Variants in ADCY1 observed in about 807,000 individuals in gnomAD.
The protein encoded by ADCY1 is adenylate cyclase type 1.
ADCY1 carries 28 observed loss-of-function variants against 105.4 expected under a neutral mutation model. That is an observed-to-expected ratio of 0.27 (90% CI 0.20 to 0.36). ADCY1 has a LOEUF of 0.36. Among genes scored for constraint, ADCY1 ranks in the 10% least tolerant of loss-of-function variants. ADCY1 has a pLI of 1.00. For missense variants in ADCY1, 977 were observed against 1,434.2 expected (o/e 0.68, Z 5.15); for synonymous variants, 655 against 623.8 (o/e 1.05, Z -0.75).
intron 11 of ADCY1, among the ~76,000 whole-genome samples, chr7:45,682,556 TC>T (rs1366238495): frequency 6.6e-6 from 1 of 152,126 alleles, no homozygotes; most frequent in East Asian, 1.9e-4. Context: ...CACAATGTGG[TC>T]CACAAGGTGG....
In ADCY1 at chr7:45,685,038, C is replaced by T. The variant is rs767226138; in HGVS notation, c.2043C>T (p.Val681=). The change falls in exon 12 of 20, where the codon GTC becomes GTT. Residue 681 remains valine (V), a synonymous_variant. Transcript: ENST00000297323. ...IRTVLCIFIV[V]LIYSVAQGCV... ...CTGTCCTGTGTATTTTCATAGTGGT[C>T]TTAATCTACTCAGTAGCCCAAGGTT... The T allele has an allele frequency of 1.9e-6, 3 of 1,614,148 alleles. No individual in the cohort carries two copies. Among genetic ancestry groups the T allele is most frequent in the East Asian group, 4.5e-5 (2 of 44,882 alleles).
At chr7:45,654,487 T>C (rs1222554622) in intron 5 of ADCY1, among the ~76,000 whole-genome samples, 1 of 152,202 alleles carries the variant, frequency 6.6e-6, no homozygotes, top group African/African-American at 2.4e-5. Flanking sequence ...TCAGTAGAAC[T>C]TGATTGTCCC....
intron 8 of ADCY1, among the ~76,000 whole-genome samples, chr7:45,677,105 A>G (rs1376145803): frequency 6.6e-6 from 1 of 152,038 alleles, no homozygotes; most frequent in Non-Finnish European, 1.5e-5. Flanking sequence ...GGTCCCTGCG[A>G]TCACCCTCTT....
At chr7:45,643,027 G>A (rs1274750698) in intron 4 of ADCY1, among the ~76,000 whole-genome samples, 1 of 151,518 alleles carries the variant, frequency 6.6e-6, no homozygotes, top group African/African-American at 2.4e-5. Flanking sequence ...GATGTGTTTT[G>A]ATCGATTGCC....
chr7:45,583,713 T>C (rs535667210), intron 1 of ADCY1, among the ~76,000 whole-genome samples: 2 of 152,134 alleles, frequency 1.3e-5, no homozygotes, highest in African/African-American at 4.8e-5. Flanking sequence ...CTGTCTCGGC[T>C]CACCACAACC....
rs149796070 is a variant in ADCY1, at chr7:45,600,211, G to A, written c.789+7303G>A. Reference sequence around the variant, plus strand: ...GGGCAGATCCGCTGCAAGGAGTCCAGCATCTGCAGCCTGGCTCTCAGATGA... The same window carrying A: ...GGGCAGATCCGCTGCAAGGAGTCCAACATCTGCAGCCTGGCTCTCAGATGA... On this transcript the variant is annotated intron_variant, in intron 2 of 19. Coordinates refer to ENST00000297323, the MANE Select transcript of ADCY1 (RefSeq NM_021116.4). 4.1e-3 allele frequency among the ~76,000 whole-genome samples: 627 copies of A among 152,376 alleles called. 4 individuals are homozygous for A. The highest frequency in any genetic ancestry group is 0.024 in the Middle Eastern group (7 of 294).
chr7:45,698,190 T>C (rs555585651), intron 14 of ADCY1, among the ~76,000 whole-genome samples: 42 of 144,642 alleles, frequency 2.9e-4, no homozygotes, highest in African/African-American at 6.4e-4. Context: ...CACACACACA[T>C]ACACCACTTA....
chr7:45,679,813 C>G lies in ADCY1; in HGVS notation c.1983+20C>G. On this transcript the variant is annotated intron_variant, in intron 11 of 19. Coordinates refer to ENST00000297323, the MANE Select transcript of ADCY1 (RefSeq NM_021116.4). ...GTCCAGGTATGTGGGTGGCCTGTGT[C>G]CTGTACCTGCATATCACCTGGTTCA... 6.2e-7 allele frequency: 1 copy of G among 1,612,872 alleles called. No individual in the cohort carries two copies.
intron 8 of ADCY1, among the ~76,000 whole-genome samples, chr7:45,666,247 T>C (rs1784253142): frequency 6.6e-6 from 1 of 152,182 alleles, no homozygotes; most frequent in African/African-American, 2.4e-5. Flanking sequence ...TAACTCGTCA[T>C]TTACATTAGG....
Position 45,713,675 on chromosome 7 carries a change from A to C in ADCY1, c.3058-18A>C. ...CCCTCATTGCCCTGAAGTAACACTC[A>C]CTTCTCTCCATCAACAGGTGACTGA... On this transcript the variant is annotated intron_variant, in intron 19 of 19. Transcript: ENST00000297323. 1.3e-6 allele frequency: 1 copy of C among 774,834 alleles called. No individual in the cohort carries two copies. Among genetic ancestry groups the C allele is most frequent in the Non-Finnish European group, 2.4e-6 (1 of 414,908 alleles). The allele number at this position is 774,834 out of a possible 1,614,324, so 48.0% of individuals were successfully genotyped here.
In ADCY1 at chr7:45,613,555, T is replaced by TCA. The variant is rs1793649174; in HGVS notation, c.908+3059_908+3060dup. Reference sequence around the variant, plus strand: ...ACACATACACATTATATATATATTTTCATCATATATTACATATATGATGTA... The same window carrying TCA: ...ACACATACACATTATATATATATTTTCACATCATATATTACATATATGATGTA... On this transcript the variant is annotated intron_variant, in intron 3 of 19. Coordinates refer to ENST00000297323, the MANE Select transcript of ADCY1 (RefSeq NM_021116.4). 3.3e-5 allele frequency among the ~76,000 whole-genome samples: 5 copies of TCA among 152,144 alleles called. No individual in the cohort carries two copies. The South Asian group carries it at 1.0e-3, about 32-fold the overall frequency.
rs975196506 is a variant in ADCY1 at position 45,714,371 on chromosome 7, C to G, written c.*376C>G. On this transcript the variant is annotated 3_prime_UTR_variant, in exon 20 of 20. Transcript: ENST00000297323. ...CATCCCAGGGTTACAGCAAGAGCCA[C>G]TGAGGTGTGGCTGGCAGAGCAACTG... 7 of 217,624 alleles carry G rather than the reference C, an allele frequency of 3.2e-5. No homozygotes were observed. The highest frequency in any genetic ancestry group is 1.1e-4 in the Admixed American group (2 of 19,010). The allele number at this position is 217,624 out of a possible 1,614,324, so 13.5% of individuals were successfully genotyped here. A position where few individuals can be genotyped will look rare whatever the true frequency, so the allele number is the denominator to read the frequency against.
At chr7:45,676,133 C>T (rs943695459) in intron 8 of ADCY1, among the ~76,000 whole-genome samples, 2 of 151,688 alleles carry the variant, frequency 1.3e-5, no homozygotes, top group African/African-American at 4.8e-5. Context: ...GAATTCTTTA[C>T]TGTGTGCACT....
intron 1 of ADCY1, among the ~76,000 whole-genome samples, chr7:45,583,937 GTT>G (rs869216986): frequency 1.2e-4 from 7 of 56,900 alleles, no homozygotes; most frequent in East Asian, 7.2e-4. Flanking sequence ...ACTGTGCCCT[GTT>G]TTTTTTTTTT....
chr7:45,661,555 G>A (rs1795106942), intron 7 of ADCY1, among the ~76,000 whole-genome samples: 1 of 152,024 alleles, frequency 6.6e-6, no homozygotes, highest in Admixed American at 6.5e-5. Flanking sequence ...CGGGTGAGTG[G>A]GTGATGTTCA....
intron 5 of ADCY1, among the ~76,000 whole-genome samples, chr7:45,653,969 G>A (rs1056876528): frequency 6.6e-6 from 1 of 152,194 alleles, no homozygotes; most frequent in Non-Finnish European, 1.5e-5. Flanking sequence ...TCCTTCAGGC[G>A]ATGCTTCAGG....
intron 5 of ADCY1, among the ~76,000 whole-genome samples, chr7:45,654,486 C>T (rs539560516): frequency 1.3e-5 from 2 of 152,300 alleles, no homozygotes; most frequent in African/African-American, 4.8e-5. Context: ...GTCAGTAGAA[C>T]TTGATTGTCC....
intron 14 of ADCY1, among the ~76,000 whole-genome samples, chr7:45,692,876 AC>A (rs1440071136): frequency 6.6e-6 from 1 of 152,242 alleles, no homozygotes; most frequent in Admixed American, 6.5e-5. Flanking sequence ...ACAAAGACTT[AC>A]CAAATCTGGA....
intron 11 of ADCY1, among the ~76,000 whole-genome samples, chr7:45,683,359 G>T (rs1207795506): frequency 6.6e-6 from 1 of 151,968 alleles, no homozygotes; most frequent in African/African-American, 2.4e-5. Flanking sequence ...ATTTCTCCTT[G>T]GAAACAAAGT....
Sources: allele counts gnomAD v4.1 joint callset (sites outside exome capture counted in the v4.1 genomes callset), GRCh38; gene constraint gnomAD v4.1.1; transcripts MANE v1.5; gene names NCBI Gene and HGNC (gene_info 2026-07-23, HGNC 2026-07-21).